The following SLC13A3 variants were observed in gnomAD, a reference collection of about 807,000 sequenced individuals.
The protein encoded by SLC13A3 is solute carrier family 13 member 3, also known as Na(+)/dicarboxylate cotransporter 3.
A neutral mutation model predicts 59.0 loss-of-function variants in SLC13A3; 40 were observed. The ratio of observed to expected loss-of-function variants is 0.68; its 90% CI spans 0.53 to 0.88. SLC13A3 has a LOEUF of 0.88. Among genes scored for constraint, SLC13A3 ranks in the 40% least tolerant of loss-of-function variants. The pLI, the probability that SLC13A3 is intolerant of heterozygous loss-of-function variation, is 0.00. For missense variants in SLC13A3, 699 were observed against 783.2 expected (o/e 0.89, Z 1.28); for synonymous variants, 317 against 330.3 (o/e 0.96, Z 0.44).
At chr20:46,647,284 C>T (rs968311765) in intron 1 of SLC13A3, among the ~76,000 whole-genome samples, 2 of 152,122 alleles carry the variant, frequency 1.3e-5, no homozygotes, top group Non-Finnish European at 2.9e-5. Flanking sequence ...CTGTGAGTCC[C>T]CAGTGTTAAG....
chr20:46,581,677 A>T (rs2062139898), intron 9 of SLC13A3, among the ~76,000 whole-genome samples: 1 of 152,224 alleles, frequency 6.6e-6, no homozygotes, highest in Admixed American at 6.5e-5. Context: ...ATGAGGGGCG[A>T]TGCCACAGGG....
chr20:46,562,970 G>C (rs2061943841), intron 12 of SLC13A3, among the ~76,000 whole-genome samples: 1 of 152,216 alleles, frequency 6.6e-6, no homozygotes. Flanking sequence ...GTTCAGCAGG[G>C]ACCTTCCGGG....
chr20:46,598,770 A>G (rs1039194547), intron 4 of SLC13A3, among the ~76,000 whole-genome samples: 38 of 152,114 alleles, frequency 2.5e-4, no homozygotes, highest in African/African-American at 9.2e-4. Context: ...ATGATGTCCC[A>G]CATGCTCTGT....
At chr20:46,631,653 T>C (rs543749707) in intron 1 of SLC13A3, among the ~76,000 whole-genome samples, 93 of 151,998 alleles carry the variant, frequency 6.1e-4, no homozygotes, top group African/African-American at 2.1e-3. Context: ...CCATACATAA[T>C]CTCCAAGGTC....
chr20:46,661,648 T>C (rs1329277407), intron 1 of SLC13A3, among the ~76,000 whole-genome samples: 2 of 152,066 alleles, frequency 1.3e-5, no homozygotes, highest in Admixed American at 6.5e-5. Flanking sequence ...CCTGGGAGGA[T>C]TTTTTCAGCC....
chr20:46,561,314 G>T (rs1162339511), intron 12 of SLC13A3, among the ~76,000 whole-genome samples: 2 of 152,144 alleles, frequency 1.3e-5, no homozygotes, highest in Non-Finnish European at 2.9e-5. Context: ...CCCACCTTGG[G>T]TGCATGTCGT....
At chr20:46,579,712 C>T (rs1314866447) in intron 9 of SLC13A3, among the ~76,000 whole-genome samples, 1 of 152,212 alleles carries the variant, frequency 6.6e-6, no homozygotes, top group Non-Finnish European at 1.5e-5. Context: ...TTTAGTGCTA[C>T]TGTTGTTGGC....
intron 1 of SLC13A3, among the ~76,000 whole-genome samples, chr20:46,648,893 A>C (rs1157555667): frequency 1.3e-5 from 2 of 151,170 alleles, no homozygotes. Context: ...TTACAGAGCA[A>C]GACCCTATCT....
chr20:46,607,141 T>C (rs2062444242), intron 3 of SLC13A3, among the ~76,000 whole-genome samples: 1 of 152,256 alleles, frequency 6.6e-6, no homozygotes. Flanking sequence ...TGAGCCTCAG[T>C]TTCCTCATCT....
At chr20:46,585,891 A>T in intron 8 of SLC13A3, 1 of 984,590 alleles carries the variant, frequency 1.0e-6, no homozygotes, top group Non-Finnish European at 1.3e-6. Flanking sequence ...ACCAGGGAAG[A>T]GGTTGAGGCC....
At chr20:46,575,432 T>G in intron 10 of SLC13A3, 141 bp downstream of exon 10, 1 of 502,624 alleles carries the variant, frequency 2.0e-6, no homozygotes. Context: ...ATCATCTCAG[T>G]TTGGCAAGTG....
chr20:46,593,105 G>A (rs1213512133), intron 5 of SLC13A3, among the ~76,000 whole-genome samples: 3 of 152,166 alleles, frequency 2.0e-5, no homozygotes, highest in African/African-American at 4.8e-5. Flanking sequence ...TCTGCTGAAC[G>A]GTGTCCAATC....
chr20:46,562,365 C>G (rs1036157893), intron 12 of SLC13A3, among the ~76,000 whole-genome samples: 5 of 152,182 alleles, frequency 3.3e-5, no homozygotes, highest in Non-Finnish European at 5.9e-5. Context: ...TGCTATTCCT[C>G]TCTTCCAGGC....
chr20:46,581,197 C>T (rs1039400037), intron 9 of SLC13A3, among the ~76,000 whole-genome samples: 5 of 152,176 alleles, frequency 3.3e-5, no homozygotes, highest in African/African-American at 7.2e-5. Flanking sequence ...TTTGGGGGCT[C>T]GCCTGCCCTG....
chr20:46,565,717 T>G (rs1029103611), intron 11 of SLC13A3, among the ~76,000 whole-genome samples: 2 of 152,048 alleles, frequency 1.3e-5, no homozygotes, highest in African/African-American at 4.8e-5. Flanking sequence ...TAGGAGACAT[T>G]TGGATTGTCA....
chr20:46,576,444 G>A (rs986990994), intron 9 of SLC13A3, among the ~76,000 whole-genome samples: 4 of 152,084 alleles, frequency 2.6e-5, no homozygotes, highest in African/African-American at 9.7e-5. Context: ...AAGTGACTTT[G>A]CCTCCCTGAG....
chr20:46,628,404 C>T (rs1390026775), intron 1 of SLC13A3, among the ~76,000 whole-genome samples: 8 of 152,160 alleles, frequency 5.3e-5, no homozygotes, highest in Admixed American at 5.2e-4. Flanking sequence ...CCAGCCTACT[C>T]CCTCTGCCGT....
intron 1 of SLC13A3, among the ~76,000 whole-genome samples, chr20:46,648,546 C>T (rs1194602868): frequency 6.6e-6 from 1 of 152,010 alleles, no homozygotes; most frequent in Admixed American, 6.6e-5. Flanking sequence ...AAAGGGTCCC[C>T]ACAAGGGAAC....
intron 10 of SLC13A3, among the ~76,000 whole-genome samples, chr20:46,568,934 T>C (rs1374869997): frequency 6.6e-6 from 1 of 152,156 alleles, no homozygotes; most frequent in Non-Finnish European, 1.5e-5. Flanking sequence ...GCCTGTTGCG[T>C]AGGGTTCTAC....
Sources: gnomAD v4.1 joint callset for allele counts (sites outside exome capture counted in the v4.1 genomes callset) on GRCh38, gnomAD v4.1.1 for gene constraint, MANE v1.5 for transcripts, NCBI Gene and HGNC (gene_info 2026-07-23, HGNC 2026-07-21) for gene names.